Variants in PDZRN4 observed in about 807,000 individuals in gnomAD.
PDZRN4 encodes the protein PDZ domain containing ring finger 4.
Under a neutral mutation model 99.0 loss-of-function variants are expected in PDZRN4, and 70 were observed. The ratio of observed to expected loss-of-function variants is 0.71; its 90% CI spans 0.58 to 0.86. The LOEUF (loss-of-function observed/expected upper bound fraction) is 0.86, where lower values mean the gene tolerates loss of function less well. Ranked by LOEUF, PDZRN4 falls within the 40% of genes least tolerant of loss-of-function variation. PDZRN4 has a pLI of 0.00. For missense variants in PDZRN4, 1,474 were observed against 1,331.2 expected (o/e 1.11, Z -1.67); for synonymous variants, 551 against 501.6 (o/e 1.10, Z -1.32).
chr12:41,409,163 A>G (rs1274666174), intron 3 of PDZRN4, among the ~76,000 whole-genome samples: 1 of 152,198 alleles, frequency 6.6e-6, no homozygotes, highest in Non-Finnish European at 1.5e-5. Flanking sequence ...TAACCTGTAA[A>G]TAAAGGGAAT....
At chr12:41,348,498 A>G (rs1288444937) in intron 3 of PDZRN4, among the ~76,000 whole-genome samples, 2 of 152,146 alleles carry the variant, frequency 1.3e-5, no homozygotes, top group Non-Finnish European at 2.9e-5. Flanking sequence ...ACAGATTTGC[A>G]GTAAAAGTTA....
intron 3 of PDZRN4, among the ~76,000 whole-genome samples, chr12:41,399,139 A>G (rs555139938): frequency 6.6e-6 from 1 of 152,258 alleles, no homozygotes; most frequent in African/African-American, 2.4e-5. Flanking sequence ...ATGCAATTCA[A>G]AAACACTAAC....
At chr12:41,540,969 G>C (rs1938842511) in intron 5 of PDZRN4, among the ~76,000 whole-genome samples, 1 of 151,894 alleles carries the variant, frequency 6.6e-6, no homozygotes, top group Non-Finnish European at 1.5e-5. Flanking sequence ...CTGTCACCCA[G>C]CCTGGAGTGC....
chr12:41,352,048 T>C (rs1951894085), intron 3 of PDZRN4, among the ~76,000 whole-genome samples: 1 of 151,054 alleles, frequency 6.6e-6, no homozygotes, highest in Non-Finnish European at 1.5e-5. Context: ...AGCTGGGAAA[T>C]AAATAGCATG....
At chr12:41,478,063 T>A (rs1324128011) in intron 3 of PDZRN4, 13 of 620,730 alleles carry the variant, frequency 2.1e-5, no homozygotes, top group Non-Finnish European at 3.7e-5. Context: ...AATAATATAT[T>A]TTATCTCATA....
chr12:41,454,742 C>T (rs948154665), intron 3 of PDZRN4, among the ~76,000 whole-genome samples: 1 of 152,216 alleles, frequency 6.6e-6, no homozygotes, highest in African/African-American at 2.4e-5. Flanking sequence ...TATTAGTGAT[C>T]ATGTGCTATA....
chr12:41,254,493 A>G (rs1471317464), intron 3 of PDZRN4, among the ~76,000 whole-genome samples: 2 of 152,204 alleles, frequency 1.3e-5, no homozygotes, highest in African/African-American at 2.4e-5. Context: ...AATTATGCGA[A>G]TGTTGATATT....
At chr12:41,530,989 T>C (rs1276539531) in intron 5 of PDZRN4, among the ~76,000 whole-genome samples, 1 of 151,796 alleles carries the variant, frequency 6.6e-6, no homozygotes, top group Non-Finnish European at 1.5e-5. Flanking sequence ...CAGCAGTGTC[T>C]AGGGGTAGAT....
intron 3 of PDZRN4, among the ~76,000 whole-genome samples, chr12:41,502,956 T>G (rs1241255867): frequency 6.6e-6 from 1 of 152,190 alleles, no homozygotes; most frequent in East Asian, 1.9e-4. Context: ...CTGTAGATAT[T>G]CTTCCCATAT....
At chr12:41,504,086 T>C (rs533147935) in intron 3 of PDZRN4, among the ~76,000 whole-genome samples, 3 of 151,964 alleles carry the variant, frequency 2.0e-5, no homozygotes, top group Non-Finnish European at 2.9e-5. Flanking sequence ...CTGGCCAACA[T>C]AGTGAAACCC....
At chr12:41,200,651 C>T (rs1258865050) in intron 3 of PDZRN4, among the ~76,000 whole-genome samples, 7 of 152,066 alleles carry the variant, frequency 4.6e-5, no homozygotes, top group African/African-American at 7.2e-5. Context: ...AAAATCTCAT[C>T]GGAACACCTG....
intron 5 of PDZRN4, among the ~76,000 whole-genome samples, chr12:41,532,064 T>C (rs983792272): frequency 1.1e-4 from 17 of 152,336 alleles, no homozygotes; most frequent in Admixed American, 2.0e-4. Context: ...CAATTTGGCC[T>C]TTTACTTTAA....
intron 3 of PDZRN4, among the ~76,000 whole-genome samples, chr12:41,395,910 C>G (rs1400532317): frequency 1.3e-5 from 2 of 152,024 alleles, no homozygotes; most frequent in Non-Finnish European, 2.9e-5. Context: ...ACCAAGTTTT[C>G]TTGGTAGTAC....
intron 5 of PDZRN4, among the ~76,000 whole-genome samples, chr12:41,531,946 T>C (rs1165296016): frequency 6.6e-6 from 1 of 152,192 alleles, no homozygotes; most frequent in Non-Finnish European, 1.5e-5. Context: ...TTTAATGCAG[T>C]AAAATATATT....
At chr12:41,514,667 T>A (rs1013396999) in intron 5 of PDZRN4, among the ~76,000 whole-genome samples, 1 of 152,072 alleles carries the variant, frequency 6.6e-6, no homozygotes, top group African/African-American at 2.4e-5. Flanking sequence ...AGGGTTCCCA[T>A]TGGTGTCTGC....
At chr12:41,214,229 G>A (rs1950905529) in intron 3 of PDZRN4, among the ~76,000 whole-genome samples, 1 of 127,650 alleles carries the variant, frequency 7.8e-6, no homozygotes, top group Admixed American at 9.3e-5. Flanking sequence ...ACCCACCTGA[G>A]CAACATAGTG....
chr12:41,257,150 T>C (rs1055629992), intron 3 of PDZRN4, among the ~76,000 whole-genome samples: 2 of 152,188 alleles, frequency 1.3e-5, no homozygotes, highest in African/African-American at 2.4e-5. Flanking sequence ...AGATCAAATA[T>C]GCTCCTGAAA....
intron 5 of PDZRN4, among the ~76,000 whole-genome samples, chr12:41,550,801 G>A (rs1479692681): frequency 1.3e-5 from 2 of 152,104 alleles, no homozygotes; most frequent in African/African-American, 4.8e-5. Context: ...TGGAGTTTAT[G>A]AGAGCAAATC....
Position 41,244,450 on chromosome 12 carries a change from G to A in PDZRN4, c.843+50262G>A, listed in dbSNP as rs78188976. 2.0e-5 allele frequency among the ~76,000 whole-genome samples: 3 copies of A among 152,220 alleles called. No homozygotes were observed. In the East Asian group the frequency reaches 5.8e-4, roughly 29 times the overall value. ...CTGCAATGAGTTCCCATTTTCCTCAGTAAAATCCGAAGTTCTTTCCTTGGC... is the reference window on the plus strand; with the variant it reads ...CTGCAATGAGTTCCCATTTTCCTCAATAAAATCCGAAGTTCTTTCCTTGGC... On this transcript the variant is annotated intron_variant, in intron 3 of 9. Coordinates refer to ENST00000402685, the MANE Select transcript of PDZRN4 (RefSeq NM_001164595.2).
Sources: gnomAD v4.1 joint callset for allele counts (sites outside exome capture counted in the v4.1 genomes callset) on GRCh38, gnomAD v4.1.1 for gene constraint, MANE v1.5 for transcripts, NCBI Gene and HGNC (gene_info 2026-07-23, HGNC 2026-07-21) for gene names.